The following HDAC5 variants were observed in gnomAD, a reference collection of about 807,000 sequenced individuals.
HDAC5 encodes the protein histone deacetylase 5, also known as antigen NY-CO-9.
Under a neutral mutation model 133.3 loss-of-function variants are expected in HDAC5, and 25 were observed. That is an observed-to-expected ratio of 0.19 (90% CI 0.14 to 0.26). The LOEUF (loss-of-function observed/expected upper bound fraction) is 0.26, where lower values mean the gene tolerates loss of function less well. HDAC5 is among the 10% of genes least tolerant of loss of function. The pLI, the probability that HDAC5 is intolerant of heterozygous loss-of-function variation, is 1.00. For missense variants in HDAC5, 1,041 were observed against 1,460.5 expected (o/e 0.71, Z 4.68); for synonymous variants, 589 against 610.8 (o/e 0.96, Z 0.53).
At chr17:44,083,489 G>A in intron 18 of HDAC5, 56 bp downstream of exon 18, 1 of 1,284,084 alleles carries the variant, frequency 7.8e-7, no homozygotes, top group Non-Finnish European at 1.1e-6. Context: ...CCTGTCCTCT[G>A]CCTCTGAGGA....
In HDAC5 at chr17:44,088,514, C is replaced by G; in HGVS notation, c.1472G>C (p.Arg491Pro). Reference protein sequence around the residue: ...MRTVGKLPRHRPLSRTQSSPL... With the variant: ...MRTVGKLPRHPPLSRTQSSPL... The stretch of plus-strand genomic sequence containing the variant: ...TGAGGACTGAGTGCGGCTCAGGGGC[C>G]GATGCCGCGGGAGCTTGCCTACCGT... Residue 491 changes from arginine to proline, a missense_variant, in exon 12 of 27, where the codon CGG (arginine) becomes CCG (proline). Physicochemically the swap from Arg to Pro is moderately radical, Grantham distance 103. Around this residue, in one of 9 missense-constraint regions of HDAC5, gnomAD observed 433 missense variants for 531.6 expected, o/e 0.81. Transcript: ENST00000682912. The G allele has an allele frequency of 6.2e-7, 1 of 1,613,298 alleles. No individual in the cohort carries two copies. The highest frequency in any genetic ancestry group is 8.5e-7 in the Non-Finnish European group (1 of 1,179,916).
Position 44,117,604 on chromosome 17 carries a change from C to CA in HDAC5, c.-90dup. ...TGATGTCAAGAGAGACAGACGATAA[C>CA]AGACAGACGGACGGGACGGGAGCCC... On this transcript the variant is annotated 5_prime_UTR_variant, in exon 2 of 27. The change abolishes the stop of an existing upstream ORF in the 5' untranslated region. Transcript: ENST00000682912. This position sits in a 1 kb window ranked among gnomAD's most constrained non-coding sequence, Gnocchi z 4.2. The CA allele has an allele frequency of 6.7e-7, 1 of 1,493,314 alleles. No homozygotes were observed. The highest frequency in any genetic ancestry group is 9.3e-7 in the Non-Finnish European group (1 of 1,079,448). The allele number at this position is 1,493,314 out of a possible 1,614,324, so 92.5% of individuals were successfully genotyped here.
At chr17:44,109,536 A>G (rs2052207595) in intron 3 of HDAC5, among the ~76,000 whole-genome samples, 1 of 152,210 alleles carries the variant, frequency 6.6e-6, no homozygotes, top group Non-Finnish European at 1.5e-5. Context: ...GCTAGTCTTC[A>G]GGGTCATGCT....
At chr17:44,116,313 T>A (rs2052642888) in intron 2 of HDAC5, among the ~76,000 whole-genome samples, 1 of 152,164 alleles carries the variant, frequency 6.6e-6, no homozygotes, top group Admixed American at 6.5e-5. Flanking sequence ...CCCTTCGCCA[T>A]CCAGCCTCAG....
At chr17:44,118,756 G>A (rs2052804785) in intron 1 of HDAC5, among the ~76,000 whole-genome samples, 1 of 152,144 alleles carries the variant, frequency 6.6e-6, no homozygotes, top group South Asian at 2.1e-4. Context: ...AAGGTAGCAG[G>A]AAGCCATCAG....
At position 44,094,621 on chromosome 17, in the gene HDAC5, A is replaced by AC. The variant is rs1170075703; in HGVS notation, c.95-788_95-787insG. On this transcript the variant is annotated intron_variant, in intron 3 of 26. Transcript: ENST00000682912. ...CACTGCACTCCAGCCTGGGCGACAG[A>AC]GCGAGCCTCCATCTCAAAAAAATAA... is the stretch of plus-strand genomic sequence containing the variant. Among the ~76,000 whole-genome samples the AC allele has an allele frequency of 1.7e-4, 26 of 152,260 alleles. 1 individual carries two copies. In the East Asian group the frequency reaches 5.0e-3, roughly 29 times the overall value.
In HDAC5 at chr17:44,092,181, G is replaced by C; in HGVS notation, c.1023C>G (p.Ile341Met). 1.2e-6 allele frequency: 2 copies of C among 1,613,730 alleles called. No individual in the cohort carries two copies. The highest frequency in any genetic ancestry group is 1.1e-5 in the South Asian group (1 of 91,072). The change falls in exon 9 of 27, where the codon ATC (isoleucine) becomes ATG (methionine). Residue 341 changes from isoleucine (I) to methionine (M), a missense_variant. By Grantham distance (10) the Ile-to-Met change is conservative. This residue lies in a region of HDAC5 where 433 missense variants were observed against 531.6 expected (regional missense o/e 0.81). Transcript: ENST00000682912. Reference protein sequence around the residue: ...ENGFTGSVPNIPTEMLPQHRA... With the variant: ...ENGFTGSVPNMPTEMLPQHRA... ...CCAGCCAGGCCTGTACCTCAGTGGG[G>C]ATGTTGGGGACTGAGCCAGTAAAGC... is the stretch of plus-strand genomic sequence containing the variant.
intron 9 of HDAC5, 78 bp from the exon 10 acceptor site, chr17:44,091,909 C>T (rs927670979): frequency 2.0e-6 from 3 of 1,472,906 alleles, no homozygotes; most frequent in African/African-American, 1.4e-5. Flanking sequence ...GGGGCCAAGG[C>T]CAAGGTCTCT....
At chr17:44,098,439 T>TA (rs1435391644) in intron 3 of HDAC5, among the ~76,000 whole-genome samples, 13 of 151,676 alleles carry the variant, frequency 8.6e-5, no homozygotes, top group Non-Finnish European at 1.3e-4. Flanking sequence ...GGCTGTCTCT[T>TA]AAAAAAAAGG....
At position 44,117,162 on chromosome 17, in the gene HDAC5, G is replaced by A. The variant is rs981370721; in HGVS notation, c.22+332C>T. ...CTCCAACATCATCCCAGACTGCCCA[G>A]AGAGATTAAGGGATACACACTGCCC... On this transcript the variant is annotated intron_variant, in intron 2 of 26. Coordinates refer to ENST00000682912, the MANE Select transcript of HDAC5 (RefSeq NM_005474.5). The surrounding 1 kb of genome is among the most constrained non-coding windows in gnomAD (Gnocchi z 4.2). Among the ~76,000 whole-genome samples, 1 of 152,220 alleles carries A rather than the reference G, an allele frequency of 6.6e-6. No homozygotes were observed. The highest frequency in any genetic ancestry group is 2.4e-5 in the African/African-American group (1 of 41,450).
chr17:44,079,629 G>A (rs567478222), intron 23 of HDAC5, among the ~76,000 whole-genome samples: 8 of 99,396 alleles, frequency 8.0e-5, no homozygotes, highest in African/African-American at 2.9e-4. Flanking sequence ...GACAGAGTGA[G>A]ACTCCACCTC....
chr17:44,086,473 A>C, intron 14 of HDAC5, 99 bp downstream of exon 14: 2 of 1,038,104 alleles, frequency 1.9e-6, no homozygotes, highest in Non-Finnish European at 1.3e-6. Flanking sequence ...CAGGGTGCCT[A>C]AGGGGCCCCA....
At chr17:44,085,515 TG>T (rs2050604290) in intron 14 of HDAC5, among the ~76,000 whole-genome samples, 1 of 151,670 alleles carries the variant, frequency 6.6e-6, no homozygotes, top group South Asian at 2.1e-4. Flanking sequence ...GCTTTTCTTT[TG>T]TTTTTTTTTG....
rs1223313951 is a variant in HDAC5, at chr17:44,123,626, C to T, written c.-312G>A. On this transcript the variant is annotated 5_prime_UTR_variant, in exon 1 of 27. Coordinates refer to ENST00000682912, the MANE Select transcript of HDAC5 (RefSeq NM_005474.5). ...CGGCTCCTCCGGCTCCGCTCGCCGCCGCCACCAACAACAACATTCGGAGAC... is the reference window on the plus strand; with the variant it reads ...CGGCTCCTCCGGCTCCGCTCGCCGCTGCCACCAACAACAACATTCGGAGAC... 2 of 396,730 alleles carry T rather than the reference C, an allele frequency of 5.0e-6. No homozygotes were observed. Among genetic ancestry groups the T allele is most frequent in the Non-Finnish European group, 8.9e-6 (2 of 224,872 alleles). 24.6% of individuals were successfully genotyped at this position (396,730 alleles called of 1,614,324 possible).
chr17:44,094,013 G>A (rs980714734), intron 3 of HDAC5, among the ~76,000 whole-genome samples, 179 bp from the exon 4 acceptor site: 2 of 152,210 alleles, frequency 1.3e-5, no homozygotes, highest in South Asian at 2.1e-4. Context: ...TGAGGCTGAA[G>A]CCATGAACTT....
chr17:44,110,930 C>T lies in HDAC5; in HGVS notation c.23-130G>A, dbSNP rs35223928. On this transcript the variant is annotated intron_variant, in intron 2 of 26. Transcript: ENST00000682912. ...GGGAGCAGACCGAAGGGAAGGTGGT[C>T]GGGCAGCCCGCACAGCACAGGTTCC... The T allele has an allele frequency of 4.0e-3, 2,943 of 743,890 alleles. 66 individuals are homozygous for T. The African/African-American group carries it at 0.045, about 11-fold the overall frequency. 46.1% of individuals were successfully genotyped at this position (743,890 alleles called of 1,614,324 possible).
intron 1 of HDAC5, among the ~76,000 whole-genome samples, chr17:44,118,041 G>T (rs1194603598): frequency 6.6e-6 from 1 of 152,164 alleles, no homozygotes; most frequent in African/African-American, 2.4e-5. Flanking sequence ...GAAAGTGCAG[G>T]GGGGCTTCTG....
intron 3 of HDAC5, among the ~76,000 whole-genome samples, chr17:44,107,303 C>T (rs2052018928): frequency 6.6e-6 from 1 of 152,166 alleles, no homozygotes; most frequent in Non-Finnish European, 1.5e-5. Flanking sequence ...GCTATCAACA[C>T]TGTCCTAAAA....
intron 8 of HDAC5, 26 bp from the exon 9 acceptor site, chr17:44,092,310 G>C (rs1460158347): frequency 6.2e-7 from 1 of 1,613,340 alleles, no homozygotes; most frequent in Non-Finnish European, 8.5e-7. Flanking sequence ...CTGTCACCTG[G>C]GCCTGCTGTG....
Sources: allele counts gnomAD v4.1 joint callset (sites outside exome capture counted in the v4.1 genomes callset), GRCh38; gene constraint gnomAD v4.1.1; regional missense constraint gnomAD v4.1.1; non-coding constraint Gnocchi (gnomAD v3.1); transcripts MANE v1.5; gene names NCBI Gene and HGNC (gene_info 2026-07-23, HGNC 2026-07-21).